Variants in SRGAP1 observed in about 807,000 individuals in gnomAD.
The protein encoded by SRGAP1 is SLIT-ROBO Rho GTPase-activating protein 1.
Under a neutral mutation model 121.9 loss-of-function variants are expected in SRGAP1, and 43 were observed. The ratio of observed to expected loss-of-function variants is 0.35; its 90% CI spans 0.28 to 0.46. The LOEUF (loss-of-function observed/expected upper bound fraction) is 0.46, where lower values mean the gene tolerates loss of function less well. SRGAP1 is among the 20% of genes least tolerant of loss of function. SRGAP1 has a pLI of 1.00. For synonymous variants in SRGAP1, 447 were observed against 485.4 expected, an observed-to-expected ratio of 0.92 and a Z score of 1.04; for missense variants, 1,102 against 1,350.9, an observed-to-expected ratio of 0.82 and a Z score of 2.89.
chr12:63,874,244 C>T (rs1899954888), intron 1 of SRGAP1, among the ~76,000 whole-genome samples: 1 of 151,744 alleles, frequency 6.6e-6, no homozygotes, highest in Non-Finnish European at 1.5e-5. Flanking sequence ...GCCTCTGTCT[C>T]CCAGGCTGGA....
At chr12:64,089,360 T>G (rs915239272) in intron 11 of SRGAP1, among the ~76,000 whole-genome samples, 4 of 152,194 alleles carry the variant, frequency 2.6e-5, no homozygotes, top group Non-Finnish European at 5.9e-5. Context: ...ACATTTTCCT[T>G]TGTGCCTTCT....
chr12:64,122,727 A>G (rs1301303000), intron 18 of SRGAP1, among the ~76,000 whole-genome samples: 1 of 152,124 alleles, frequency 6.6e-6, no homozygotes, highest in Non-Finnish European at 1.5e-5. Flanking sequence ...GTGAAACCCC[A>G]TTGCTACTAA....
intron 1 of SRGAP1, among the ~76,000 whole-genome samples, chr12:63,922,744 C>T (rs973893208): frequency 1.3e-5 from 2 of 152,234 alleles, no homozygotes; most frequent in African/African-American, 4.8e-5. Context: ...GTTTGTCTCT[C>T]CCAATGAACT....
At chr12:64,050,807 C>G (rs2136517887) in intron 6 of SRGAP1, among the ~76,000 whole-genome samples, 1 of 152,286 alleles carries the variant, frequency 6.6e-6, no homozygotes, top group African/African-American at 2.4e-5. Context: ...TCACTGCAAC[C>G]TCCACCTCCC....
At chr12:64,137,776 C>A (rs919978683) in intron 21 of SRGAP1, among the ~76,000 whole-genome samples, 1 of 151,890 alleles carries the variant, frequency 6.6e-6, no homozygotes, top group African/African-American at 2.4e-5. Flanking sequence ...CACATTCAAT[C>A]TAGTCATGGA....
intron 1 of SRGAP1, among the ~76,000 whole-genome samples, chr12:63,928,897 G>A (rs1054030103): frequency 2.0e-5 from 3 of 152,186 alleles, no homozygotes; most frequent in African/African-American, 7.2e-5. Context: ...GCTCCTATGA[G>A]AATCTAATGG....
intron 1 of SRGAP1, among the ~76,000 whole-genome samples, chr12:63,903,279 CT>C (rs2030023673): frequency 6.6e-6 from 1 of 152,144 alleles, no homozygotes; most frequent in Non-Finnish European, 1.5e-5. Context: ...GTGGCATGAT[CT>C]CTGCTCACTG....
intron 1 of SRGAP1, among the ~76,000 whole-genome samples, chr12:63,967,006 T>C (rs920773801): frequency 6.6e-6 from 1 of 152,258 alleles, no homozygotes; most frequent in African/African-American, 2.4e-5. Context: ...AGCTTTTTGA[T>C]AGGTTGGCTT....
At chr12:63,858,221 C>T (rs985080178) in intron 1 of SRGAP1, among the ~76,000 whole-genome samples, 13 of 150,632 alleles carry the variant, frequency 8.6e-5, no homozygotes, top group Non-Finnish European at 1.9e-4. Context: ...TGTCTGTATA[C>T]ACCGTTGGAT....
At position 63,924,463 on chromosome 12, in the gene SRGAP1, C is replaced by T. The variant is rs116179382; in HGVS notation, c.68-59484C>T. On this transcript the variant is annotated intron_variant, in intron 1 of 21. Coordinates refer to ENST00000355086, the MANE Select transcript of SRGAP1 (RefSeq NM_020762.4). ...TTTGTTGAATCCATATTTTAGAGAT[C>T]ATCTAGTTTAGGCATTACATGAACA... Among the ~76,000 whole-genome samples, 1,151 of 152,232 alleles carry T rather than the reference C, an allele frequency of 7.6e-3. 16 individuals are homozygous for T. Among genetic ancestry groups the T allele is most frequent in the African/African-American group, 0.026 (1,063 of 41,536 alleles).
intron 1 of SRGAP1, among the ~76,000 whole-genome samples, chr12:63,850,995 A>T (rs2136253486): frequency 6.6e-6 from 1 of 151,300 alleles, no homozygotes. Context: ...GTCTCTACTA[A>T]AAACACAAAA....
intron 1 of SRGAP1, among the ~76,000 whole-genome samples, chr12:63,931,505 C>T (rs1253572230): frequency 2.0e-5 from 3 of 152,110 alleles, no homozygotes; most frequent in Admixed American, 2.0e-4. Context: ...TTATTGAGTA[C>T]ACGCTACTAC....
intron 21 of SRGAP1, among the ~76,000 whole-genome samples, chr12:64,132,929 A>T (rs1295999566): frequency 2.0e-5 from 3 of 152,266 alleles, no homozygotes; most frequent in African/African-American, 7.2e-5. Flanking sequence ...ATGGAGAAAA[A>T]GGCATTTTCC....
chr12:63,971,761 T>TGG (rs1167893985), intron 1 of SRGAP1, among the ~76,000 whole-genome samples: 1 of 151,514 alleles, frequency 6.6e-6, no homozygotes, highest in South Asian at 2.1e-4. Context: ...GGTGTGTGTG[T>TGG]GGGTGTGTGT....
intron 6 of SRGAP1, among the ~76,000 whole-genome samples, chr12:64,060,592 A>G (rs907856112): frequency 6.6e-6 from 1 of 152,202 alleles, no homozygotes; most frequent in African/African-American, 2.4e-5. Flanking sequence ...ATTTTAGAAT[A>G]TCTTTACATA....
chr12:63,992,720 C>CAG (rs377272438), intron 3 of SRGAP1, among the ~76,000 whole-genome samples: 5 of 148,332 alleles, frequency 3.4e-5, no homozygotes, highest in Non-Finnish European at 7.5e-5. Flanking sequence ...CACACACGTG[C>CAG]AGAGAGAGAG....
At chr12:64,139,047 T>G (rs2136651316) in intron 21 of SRGAP1, among the ~76,000 whole-genome samples, 1 of 152,372 alleles carries the variant, frequency 6.6e-6, no homozygotes, top group South Asian at 2.1e-4. Flanking sequence ...GCTCAGGTTC[T>G]TAACAATTTT....
intron 2 of SRGAP1, among the ~76,000 whole-genome samples, chr12:63,984,919 G>T (rs568684956): frequency 2.0e-5 from 3 of 151,932 alleles, no homozygotes; most frequent in African/African-American, 7.2e-5. Flanking sequence ...GGGAGGCTGA[G>T]GCAGGAGAAT....
intron 21 of SRGAP1, among the ~76,000 whole-genome samples, chr12:64,134,517 G>A (rs984875143): frequency 6.6e-6 from 1 of 151,772 alleles, no homozygotes; most frequent in African/African-American, 2.4e-5. Context: ...AGTCTAAAGT[G>A]ACTAATCCAC....
Sources: gnomAD v4.1 joint callset for allele counts (sites outside exome capture counted in the v4.1 genomes callset) on GRCh38, gnomAD v4.1.1 for gene constraint, MANE v1.5 for transcripts, NCBI Gene and HGNC (gene_info 2026-07-23, HGNC 2026-07-21) for gene names.